TTC21B: variants seen among roughly 807,000 people sequenced by gnomAD.
TTC21B encodes tetratricopeptide repeat domain 21B.
In TTC21B, 127 loss-of-function variants were observed where a neutral mutation model predicts 175.1. The observed-to-expected ratio is 0.73, with a 90% confidence interval of 0.63 to 0.84. The LOEUF is 0.84. TTC21B is among the 40% of genes least tolerant of loss of function. The probability of loss-of-function intolerance (pLI) is 0.00; values close to 1 mark genes in which losing one functional copy is unlikely to be tolerated. For synonymous variants in TTC21B, 524 were observed against 524.5 expected (o/e 1.00, Z 0.01); for missense variants, 1,561 against 1,558.3 (o/e 1.00, Z -0.03).
Position 165,885,329 on chromosome 2 carries a change from T to C in TTC21B, c.3460-1311A>G, listed in dbSNP as rs1244380015. ...TTGGAAGTAAGAAATAACTCTGGAA[T>C]AGAGAAGGGCAATACATCAGGGTTT... On this transcript the variant is annotated intron_variant, in intron 25 of 28. Transcript: ENST00000243344. Among the ~76,000 whole-genome samples the C allele has an allele frequency of 2.6e-5, 4 of 152,172 alleles. No individual in the cohort carries two copies. In the East Asian group the frequency reaches 7.7e-4, roughly 29 times the overall value.
chr2:165,904,762 C>G (rs980445966), intron 19 of TTC21B, among the ~76,000 whole-genome samples: 4 of 152,120 alleles, frequency 2.6e-5, no homozygotes, highest in Non-Finnish European at 5.9e-5. Flanking sequence ...GGCTTACAGA[C>G]ACAGAATAAA....
Position 165,899,819 on chromosome 2 carries a change from T to G in TTC21B, c.2819A>C (p.Gln940Pro). Reference protein sequence around the residue: ...AQDDPDSCLRQCALLLQSDQD... With the variant: ...AQDDPDSCLRPCALLLQSDQD... ...GTCACTCTGAAGCAGTAGAGCACACTGCCGCAGGCAGGAATCAGGGTCATC... is the reference window on the plus strand; with the variant it reads ...GTCACTCTGAAGCAGTAGAGCACACGGCCGCAGGCAGGAATCAGGGTCATC... The change falls in exon 21 of 29, where the codon CAG becomes CCG. Residue 940 changes from glutamine (Q) to proline (P), a missense_variant. Gln to Pro is a moderately conservative substitution (Grantham distance 76, BLOSUM62 -1). Transcript: ENST00000243344. The G allele has an allele frequency of 6.2e-7, 1 of 1,614,112 alleles. No individual in the cohort carries two copies. The highest frequency in any genetic ancestry group is 1.1e-5 in the South Asian group (1 of 91,080).
At chr2:165,914,840 TAATA>T (rs944549455) in intron 15 of TTC21B, among the ~76,000 whole-genome samples, 1 of 152,080 alleles carries the variant, frequency 6.6e-6, no homozygotes, top group African/African-American at 2.4e-5. Context: ...CTATATCGAC[TAATA>T]AATACACCTG....
At position 165,901,865 on chromosome 2, in the gene TTC21B, G is replaced by C; in HGVS notation, c.2614C>G (p.Gln872Glu). The change falls in exon 20 of 29, where the codon CAG (glutamine) becomes GAG (glutamate). Residue 872 changes from glutamine (Q) to glutamate (E), a missense_variant. Transcript: ENST00000243344. ...ARVLKRVQME[Q>E]PDAVPAQKHL... Reference sequence around the variant, plus strand: ...TTCTGTGCAGGAACTGCATCTGGCTGTTCCATCTGAACACGTTTTAGTACC... The same window carrying C: ...TTCTGTGCAGGAACTGCATCTGGCTCTTCCATCTGAACACGTTTTAGTACC... 6.8e-6 allele frequency: 11 copies of C among 1,613,574 alleles called. No individual in the cohort carries two copies. Among genetic ancestry groups the C allele is most frequent in the Non-Finnish European group, 7.6e-6 (9 of 1,179,950 alleles).
At chr2:165,930,124 T>C in intron 9 of TTC21B, 48 bp downstream of exon 9, 1 of 1,561,854 alleles carries the variant, frequency 6.4e-7, no homozygotes, top group East Asian at 2.2e-5. Context: ...TAAAAGCAAT[T>C]GCTACTTGTA....
rs540810084 is a variant in TTC21B at position 165,936,162 on chromosome 2, T to C, written c.711-3105A>G. On this transcript the variant is annotated intron_variant, in intron 6 of 28. Coordinates refer to ENST00000243344, the MANE Select transcript of TTC21B (RefSeq NM_024753.5). Reference sequence around the variant, plus strand: ...TGGAAATCACAGAAATAGACCCACATAGATAGTAAACTGATCTTTGACAAA... The same window carrying C: ...TGGAAATCACAGAAATAGACCCACACAGATAGTAAACTGATCTTTGACAAA... 5.3e-5 allele frequency among the ~76,000 whole-genome samples: 8 copies of C among 152,160 alleles called. No homozygotes were observed. In the East Asian group the frequency reaches 1.2e-3, roughly 22 times the overall value.
chr2:165,916,717 T>C (rs1296438620), intron 14 of TTC21B, among the ~76,000 whole-genome samples: 1 of 152,208 alleles, frequency 6.6e-6, no homozygotes, highest in Non-Finnish European at 1.5e-5. Flanking sequence ...CATGTTATTA[T>C]GTTCCATTGT....
At position 165,888,371 on chromosome 2, in the gene TTC21B, G is replaced by A. The variant is rs763605646; in HGVS notation, c.3367C>T (p.Arg1123Cys). The change falls in exon 25 of 29, where the codon CGC becomes TGC. Residue 1123 changes from arginine to cysteine, a missense_variant. Coordinates refer to ENST00000243344, the MANE Select transcript of TTC21B (RefSeq NM_024753.5). ...ATTAAGCAATAGTTTTCCATTATGC[G>A]AAGCTGTACGTGACCCTGAACAGTC... ...PQTVQGHVQL[R>C]IMENYCLMAT... 5.6e-6 allele frequency: 9 copies of A among 1,613,722 alleles called. No individual in the cohort carries two copies. The highest frequency in any genetic ancestry group is 6.8e-6 in the Non-Finnish European group (8 of 1,179,734).
At chr2:165,932,353 T>C (rs1435974640) in intron 7 of TTC21B, among the ~76,000 whole-genome samples, 2 of 152,148 alleles carry the variant, frequency 1.3e-5, no homozygotes, top group African/African-American at 4.8e-5. Context: ...ACTAAGATAC[T>C]CCTAGCATTT....
chr2:165,876,287 T>C, intron 27 of TTC21B, 55 bp from the exon 28 acceptor site: 1 of 1,100,854 alleles, frequency 9.1e-7, no homozygotes, highest in Non-Finnish European at 1.4e-6. Context: ...TACTATTACT[T>C]TTCCTTGCCT....
chr2:165,901,046 T>C (rs1237769079), intron 20 of TTC21B, among the ~76,000 whole-genome samples: 2 of 151,662 alleles, frequency 1.3e-5, no homozygotes, highest in Non-Finnish European at 2.9e-5. Context: ...GGACTACAGG[T>C]ATATGCCACC....
intron 3 of TTC21B, among the ~76,000 whole-genome samples, chr2:165,946,735 G>T (rs1687581412): frequency 6.6e-6 from 1 of 152,058 alleles, no homozygotes; most frequent in African/African-American, 2.4e-5. Context: ...TACTTGGGAG[G>T]CTGAGGCAGG....
intron 17 of TTC21B, 37 bp from the exon 18 acceptor site, chr2:165,911,502 A>G (rs1214990912): frequency 6.2e-7 from 1 of 1,612,332 alleles, no homozygotes; most frequent in Non-Finnish European, 8.5e-7. Flanking sequence ...GAACAAGGCA[A>G]TGAGAATGGC....
At chr2:165,876,535 A>G (rs1465340783) in intron 27 of TTC21B, among the ~76,000 whole-genome samples, 1 of 152,232 alleles carries the variant, frequency 6.6e-6, no homozygotes, top group Non-Finnish European at 1.5e-5. Context: ...CATTTATTTC[A>G]GGTTATAGTA....
At chr2:165,877,052 C>T (rs1297152715) in intron 27 of TTC21B, among the ~76,000 whole-genome samples, 1 of 152,154 alleles carries the variant, frequency 6.6e-6, no homozygotes, top group Non-Finnish European at 1.5e-5. Context: ...TAACACATTC[C>T]TCTTAATGGA....
At chr2:165,926,348 T>C (rs1290069564) in intron 11 of TTC21B, among the ~76,000 whole-genome samples, 1 of 152,210 alleles carries the variant, frequency 6.6e-6, no homozygotes, top group Non-Finnish European at 1.5e-5. Context: ...TGGAAGCCTT[T>C]TGGTGACTCC....
intron 12 of TTC21B, among the ~76,000 whole-genome samples, chr2:165,923,326 A>C (rs1686490178): frequency 6.6e-6 from 1 of 152,190 alleles, no homozygotes; most frequent in Non-Finnish European, 1.5e-5. Context: ...ACAGGAAATA[A>C]CTATTCATGA....
At chr2:165,942,625 A>G (rs1383247434) in intron 5 of TTC21B, among the ~76,000 whole-genome samples, 1 of 151,902 alleles carries the variant, frequency 6.6e-6, no homozygotes, top group Non-Finnish European at 1.5e-5. Context: ...CCCTGAATAC[A>G]CCTTAGGGTA....
At position 165,949,421 on chromosome 2, in the gene TTC21B, A is replaced by G. The variant is rs752147287; in HGVS notation, c.235T>C (p.Tyr79His). The change falls in exon 3 of 29, where the codon TAT becomes CAT. Residue 79 changes from tyrosine to histidine, a missense_variant. Physicochemically the swap from Tyr to His is moderately conservative, Grantham distance 83. Coordinates refer to ENST00000243344, the MANE Select transcript of TTC21B (RefSeq NM_024753.5). ...VSLCSLLALIYAHKMSPNPDR... is the reference protein window; with the variant it reads ...VSLCSLLALIHAHKMSPNPDR... ...GGATTAGGACTCATTTTATGGGCAT[A>G]TATCAGTGCAAGTAGAGAACAAAGT... 2.7e-5 allele frequency: 44 copies of G among 1,613,016 alleles called. No individual in the cohort carries two copies. The East Asian group carries it at 6.5e-4, about 24-fold the overall frequency.
Sources: gnomAD v4.1 joint callset for allele counts (sites outside exome capture counted in the v4.1 genomes callset) on GRCh38, gnomAD v4.1.1 for gene constraint, MANE v1.5 for transcripts, NCBI Gene and HGNC (gene_info 2026-07-23, HGNC 2026-07-21) for gene names.